The following TRDN variants were observed in gnomAD, a reference collection of about 807,000 sequenced individuals.
TRDN encodes triadin in skeletal muscle.
In TRDN, 161 loss-of-function variants were observed where a neutral mutation model predicts 149.7. The observed-to-expected ratio is 1.08, with a 90% CI of 0.95 to 1.23. The LOEUF is 1.23. TRDN is among the 50% of genes most tolerant of loss of function. The pLI is 0.00. For missense variants in TRDN, 896 were observed against 823.5 expected (o/e 1.09, Z -1.08); for synonymous variants, 294 against 250.5 (o/e 1.17, Z -1.64).
intron 4 of TRDN, among the ~76,000 whole-genome samples, chr6:123,540,230 T>C (rs566108999): frequency 6.6e-6 from 1 of 152,322 alleles, no homozygotes; most frequent in Non-Finnish European, 1.5e-5. Context: ...TCCAGATTAA[T>C]GGGAGTGAAC....
chr6:123,546,604 C>T (rs1781125668), intron 4 of TRDN, among the ~76,000 whole-genome samples: 1 of 152,046 alleles, frequency 6.6e-6, no homozygotes, highest in Admixed American at 6.5e-5. Flanking sequence ...ACAAATGTAC[C>T]TCAAGATGGT....
chr6:123,284,399 A>G (rs969135381), intron 24 of TRDN, among the ~76,000 whole-genome samples: 11 of 151,918 alleles, frequency 7.2e-5, no homozygotes, highest in Admixed American at 6.6e-5. Flanking sequence ...CATAAAGAGA[A>G]TTAAAAACAA....
rs555203762 is a variant in TRDN, at chr6:123,448,596, G to T, written c.932-9593C>A. Among the ~76,000 whole-genome samples, 5 of 152,132 alleles carry T rather than the reference G, an allele frequency of 3.3e-5. No homozygotes were observed. In the South Asian group the frequency reaches 1.0e-3, roughly 32 times the overall value. On this transcript the variant is annotated intron_variant, in intron 10 of 40. Transcript: ENST00000334268. The stretch of plus-strand genomic sequence containing the variant: ...CTACAGCAAGACCCACCCAAGGAGA[G>T]TCTGAGCCCAGACATTCCTAGCCCT...
At chr6:123,605,632 G>T (rs189509711) in intron 1 of TRDN, among the ~76,000 whole-genome samples, 59 of 151,372 alleles carry the variant, frequency 3.9e-4, no homozygotes, top group African/African-American at 1.4e-3. Flanking sequence ...AAGTGTGGTT[G>T]TATAGACTTA....
chr6:123,582,543 G>A (rs1278680304), intron 1 of TRDN, among the ~76,000 whole-genome samples: 3 of 151,508 alleles, frequency 2.0e-5, no homozygotes, highest in Non-Finnish European at 2.9e-5. Flanking sequence ...GGTACTCAGT[G>A]GGGGCGCTTT....
chr6:123,227,427 C>T (rs1189039287), intron 38 of TRDN, among the ~76,000 whole-genome samples: 1 of 151,810 alleles, frequency 6.6e-6, no homozygotes, highest in South Asian at 2.1e-4. Context: ...CTGATATTTG[C>T]TGGGGATAAT....
At chr6:123,309,479 G>A (rs1172045742) in intron 24 of TRDN, among the ~76,000 whole-genome samples, 1 of 151,930 alleles carries the variant, frequency 6.6e-6, no homozygotes, top group Non-Finnish European at 1.5e-5. Flanking sequence ...GAAAATTAAT[G>A]TTCAGAAACA....
At chr6:123,252,960 A>G (rs1235872071) in intron 37 of TRDN, among the ~76,000 whole-genome samples, 1 of 152,162 alleles carries the variant, frequency 6.6e-6, no homozygotes, top group Non-Finnish European at 1.5e-5. Flanking sequence ...TAGCTTGAAT[A>G]AAATTACTTT....
rs548575906 is a variant in TRDN, at chr6:123,372,057, G to C, written c.1273+3548C>G. Among the ~76,000 whole-genome samples the C allele has an allele frequency of 3.9e-5, 6 of 152,134 alleles. No homozygotes were observed. The South Asian group carries it at 1.2e-3, about 32-fold the overall frequency. On this transcript the variant is annotated intron_variant, in intron 19 of 40. Coordinates refer to ENST00000334268, the MANE Select transcript of TRDN (RefSeq NM_006073.4). ...ACATAGATCAACCAAGATTATATTT[G>C]GCATGCAGTGTGTGGTCTAGAGACA... is the stretch of plus-strand genomic sequence containing the variant.
At chr6:123,315,219 AT>A (rs200779198) in intron 24 of TRDN, among the ~76,000 whole-genome samples, 1 of 151,884 alleles carries the variant, frequency 6.6e-6, no homozygotes, top group Non-Finnish European at 1.5e-5. Context: ...TAATAAAGCA[AT>A]TTTTTGTACG....
At chr6:123,572,857 A>G (rs910086545) in intron 1 of TRDN, among the ~76,000 whole-genome samples, 10 of 152,120 alleles carry the variant, frequency 6.6e-5, no homozygotes, top group Admixed American at 6.6e-4. Context: ...CAACATCTCT[A>G]TGTGATGGAT....
At chr6:123,218,764 T>C (rs1171224862) in intron 40 of TRDN, 24 bp from the exon 41 acceptor site, 2 of 1,549,026 alleles carry the variant, frequency 1.3e-6, no homozygotes, top group African/African-American at 2.7e-5. Context: ...CATGACAGTT[T>C]GTTAAAACAT....
At chr6:123,285,553 C>G (rs531996421) in intron 24 of TRDN, among the ~76,000 whole-genome samples, 2 of 152,150 alleles carry the variant, frequency 1.3e-5, no homozygotes, top group East Asian at 3.9e-4. Context: ...GCATCAAGGG[C>G]TTAAAACTAA....
At chr6:123,526,482 C>G (rs546797732) in intron 5 of TRDN, among the ~76,000 whole-genome samples, 156 of 152,086 alleles carry the variant, frequency 1.0e-3, no homozygotes, top group African/African-American at 3.6e-3. Context: ...ACTGGAAAAG[C>G]CACATGTTCT....
intron 21 of TRDN, among the ~76,000 whole-genome samples, chr6:123,346,316 T>A (rs955058956): frequency 1.2e-4 from 18 of 152,126 alleles, no homozygotes; most frequent in African/African-American, 4.3e-4. Context: ...AGCCTGTTGA[T>A]GTTATTGATT....
intron 23 of TRDN, among the ~76,000 whole-genome samples, chr6:123,321,973 CCAACA>C (rs1779259058): frequency 6.6e-6 from 1 of 152,134 alleles, no homozygotes; most frequent in Admixed American, 6.6e-5. Context: ...ACACAGTGAA[CCAACA>C]CCCAGCATCT....
chr6:123,437,588 C>G (rs562072428), intron 12 of TRDN, among the ~76,000 whole-genome samples: 3 of 151,898 alleles, frequency 2.0e-5, no homozygotes, highest in African/African-American at 2.4e-5. Context: ...AAGCCTTTCT[C>G]AAGGAACTGA....
chr6:123,233,541 T>G (rs1775685093), intron 38 of TRDN, among the ~76,000 whole-genome samples: 1 of 152,038 alleles, frequency 6.6e-6, no homozygotes, highest in African/African-American at 2.4e-5. Context: ...AACATCACCC[T>G]TAAATGAATG....
intron 12 of TRDN, among the ~76,000 whole-genome samples, chr6:123,433,433 G>A (rs948258172): frequency 2.0e-5 from 3 of 151,764 alleles, no homozygotes; most frequent in Admixed American, 6.6e-5. Flanking sequence ...CTCCATTAGG[G>A]CAGATCTTGT....
Sources: gnomAD v4.1 joint callset for allele counts (sites outside exome capture counted in the v4.1 genomes callset) on GRCh38, gnomAD v4.1.1 for gene constraint, MANE v1.5 for transcripts, NCBI Gene and HGNC (gene_info 2026-07-23, HGNC 2026-07-21) for gene names.